The following GADL1 variants were observed in gnomAD, a reference collection of about 807,000 sequenced individuals.
GADL1 encodes GAD like acidic amino acid decarboxylase 1.
Under a neutral mutation model 69.5 loss-of-function variants are expected in GADL1, and 71 were observed. That is an observed-to-expected ratio of 1.02 (90% CI 0.84 to 1.25). The LOEUF is 1.25. Among genes scored for constraint, GADL1 ranks in the 50% most tolerant of loss-of-function variants. The probability of loss-of-function intolerance (pLI) is 0.00; values close to 1 mark genes in which losing one functional copy is unlikely to be tolerated. For missense variants in GADL1, 737 were observed against 631.8 expected, an observed-to-expected ratio of 1.17 and a Z score of -1.79; for synonymous variants, 254 against 214.4, an observed-to-expected ratio of 1.18 and a Z score of -1.62.
rs1391884265 is a variant in GADL1 at position 30,825,721 on chromosome 3, G to A, written c.1050+8132C>T. ...CACTAATAAGTGGGAGATAAACAAT[G>A]AGAACCCATGGACACAGGGAGCGGG... is the stretch of plus-strand genomic sequence containing the variant. On this transcript the variant is annotated intron_variant, in intron 11 of 14. Transcript: ENST00000282538. Among the ~76,000 whole-genome samples the A allele has an allele frequency of 2.6e-5, 4 of 151,920 alleles. No homozygotes were observed. The East Asian group carries it at 7.8e-4, about 30-fold the overall frequency.
intron 14 of GADL1, among the ~76,000 whole-genome samples, chr3:30,737,014 T>C (rs528890902): frequency 2.0e-4 from 30 of 152,206 alleles, no homozygotes; most frequent in Non-Finnish European, 3.2e-4. Context: ...CTCCTTGTGC[T>C]TTCTTGTCAC....
At chr3:30,762,019 C>G (rs1244956561) in intron 14 of GADL1, among the ~76,000 whole-genome samples, 1 of 152,152 alleles carries the variant, frequency 6.6e-6, no homozygotes, top group Non-Finnish European at 1.5e-5. Context: ...GAGTACAGGT[C>G]TTGCAATGTG....
chr3:30,867,293 C>G (rs1249099857), intron 1 of GADL1, among the ~76,000 whole-genome samples: 1 of 151,554 alleles, frequency 6.6e-6, no homozygotes, highest in Non-Finnish European at 1.5e-5. Context: ...TCTGGGTGAC[C>G]TCTAAAGTCC....
Position 30,889,556 on chromosome 3 carries a change from C to A in GADL1, c.37+5022G>T, listed in dbSNP as rs77848184. Among the ~76,000 whole-genome samples the A allele has an allele frequency of 0.013, 2,019 of 152,242 alleles. 101 individuals are homozygous for A. The East Asian group carries it at 0.16, about 12-fold the overall frequency. Reference sequence around the variant, plus strand: ...ACCAAAAGTTAACCATGACTTACAGCAAAGCAATGTATTTAACGTGGCAAC... The same window carrying A: ...ACCAAAAGTTAACCATGACTTACAGAAAAGCAATGTATTTAACGTGGCAAC... On this transcript the variant is annotated intron_variant, in intron 1 of 14. Coordinates refer to ENST00000282538, the MANE Select transcript of GADL1 (RefSeq NM_207359.3).
chr3:30,883,505 A>G lies in GADL1; in HGVS notation c.37+11073T>C, dbSNP rs143813970. Among the ~76,000 whole-genome samples the G allele has an allele frequency of 1.4e-3, 211 of 152,012 alleles. 1 individual carries two copies. The highest frequency in any genetic ancestry group is 4.9e-3 in the African/African-American group (202 of 41,512). ...TTTCTCTATCCTATTCCATTTATCAATACGTCTGTCTTTATGCTAGTACCA... is the reference window on the plus strand; with the variant it reads ...TTTCTCTATCCTATTCCATTTATCAGTACGTCTGTCTTTATGCTAGTACCA... On this transcript the variant is annotated intron_variant, in intron 1 of 14. Coordinates refer to ENST00000282538, the MANE Select transcript of GADL1 (RefSeq NM_207359.3).
chr3:30,885,074 T>C (rs1008110999), intron 1 of GADL1, among the ~76,000 whole-genome samples: 1 of 152,094 alleles, frequency 6.6e-6, no homozygotes, highest in Admixed American at 6.6e-5. Context: ...TATAAATTGA[T>C]CAAGATGATC....
At chr3:30,787,528 AAAT>A (rs1696823243) in intron 12 of GADL1, among the ~76,000 whole-genome samples, 2 of 152,154 alleles carry the variant, frequency 1.3e-5, no homozygotes, top group African/African-American at 2.4e-5. Context: ...AAACATAAGG[AAAT>A]AATAGAGACG....
intron 14 of GADL1, among the ~76,000 whole-genome samples, chr3:30,752,748 G>A (rs1320907565): frequency 6.6e-6 from 1 of 152,204 alleles, no homozygotes; most frequent in African/African-American, 2.4e-5. Flanking sequence ...TATTTAGAAA[G>A]TGGAGTCCAA....
intron 11 of GADL1, among the ~76,000 whole-genome samples, chr3:30,831,239 G>A (rs148964881): frequency 1.8e-4 from 28 of 152,036 alleles, no homozygotes; most frequent in Non-Finnish European, 3.5e-4. Flanking sequence ...TAATCCTTTA[G>A]TCTCATATTA....
chr3:30,825,175 C>T (rs757659502), intron 11 of GADL1, among the ~76,000 whole-genome samples: 1 of 151,810 alleles, frequency 6.6e-6, no homozygotes, highest in Non-Finnish European at 1.5e-5. Context: ...AGATTCAAGA[C>T]CAGGGTACCA....
At position 30,768,347 on chromosome 3, in the gene GADL1, G is replaced by T. The variant is rs192854098; in HGVS notation, c.1392+9832C>A. On this transcript the variant is annotated intron_variant, in intron 14 of 14. Coordinates refer to ENST00000282538, the MANE Select transcript of GADL1 (RefSeq NM_207359.3). The stretch of plus-strand genomic sequence containing the variant: ...TATAAATTATGAGAAGGGACTACTT[G>T]TTATAGAGGGCAAGCCATTTGAAGA... Among the ~76,000 whole-genome samples, 55 of 152,258 alleles carry T rather than the reference G, an allele frequency of 3.6e-4. No individual in the cohort carries two copies. The East Asian group carries it at 4.2e-3, about 12-fold the overall frequency.
In GADL1 at chr3:30,745,694, T is replaced by C. The variant is rs180811476; in HGVS notation, c.1393-17279A>G. 2.0e-5 allele frequency among the ~76,000 whole-genome samples: 3 copies of C among 152,328 alleles called. No homozygotes were observed. In the East Asian group the frequency reaches 5.8e-4, roughly 29 times the overall value. ...AGTGTCAAATGTGCTCAGAAGCTCATGGCCAATATTCATCATCTTTGGTGC... is the reference window on the plus strand; with the variant it reads ...AGTGTCAAATGTGCTCAGAAGCTCACGGCCAATATTCATCATCTTTGGTGC... On this transcript the variant is annotated intron_variant, in intron 14 of 14. Transcript: ENST00000282538.
At position 30,728,121 on chromosome 3, in the gene GADL1, G is replaced by T; in HGVS notation, c.*121C>A. 1 of 859,464 alleles carries T rather than the reference G, an allele frequency of 1.2e-6. No homozygotes were observed. The allele number at this position is 859,464 out of a possible 1,614,324, so 53.2% of individuals were successfully genotyped here. On this transcript the variant is annotated 3_prime_UTR_variant, in exon 15 of 15. Transcript: ENST00000282538. ...TTAGCATTTTGGTTTTGCTGGGCCT[G>T]GACTGGGAGTATTCCCTATTTCTCA... is the stretch of plus-strand genomic sequence containing the variant.
intron 14 of GADL1, among the ~76,000 whole-genome samples, chr3:30,776,596 A>G (rs1696545687): frequency 6.6e-6 from 1 of 152,218 alleles, no homozygotes; most frequent in Non-Finnish European, 1.5e-5. Context: ...TGTATTCTGT[A>G]TTGGTCATCT....
intron 11 of GADL1, among the ~76,000 whole-genome samples, chr3:30,811,131 C>T (rs919085907): frequency 6.6e-6 from 1 of 152,174 alleles, no homozygotes; most frequent in Non-Finnish European, 1.5e-5. Context: ...TTTCAGAGAA[C>T]TGCTAGCATA....
chr3:30,787,446 C>T (rs1395818918), intron 12 of GADL1, among the ~76,000 whole-genome samples: 2 of 152,116 alleles, frequency 1.3e-5, no homozygotes, highest in Non-Finnish European at 2.9e-5. Context: ...AATGGCTGGC[C>T]TTGAAAACTA....
intron 13 of GADL1, among the ~76,000 whole-genome samples, chr3:30,782,625 A>C (rs1027810394): frequency 6.6e-6 from 1 of 152,186 alleles, no homozygotes; most frequent in African/African-American, 2.4e-5. Flanking sequence ...GGATGAAGAC[A>C]TACAAAGAGG....
intron 1 of GADL1, among the ~76,000 whole-genome samples, chr3:30,888,640 A>G (rs1698740845): frequency 6.6e-6 from 1 of 152,146 alleles, no homozygotes; most frequent in African/African-American, 2.4e-5. Context: ...ACTTCTCATT[A>G]GAACTTCTTA....
intron 13 of GADL1, among the ~76,000 whole-genome samples, chr3:30,782,318 A>G (rs894506262): frequency 6.6e-6 from 1 of 152,134 alleles, no homozygotes; most frequent in African/African-American, 2.4e-5. Context: ...GACAGTACCT[A>G]GATAGTACCA....
Sources: gnomAD v4.1 joint callset for allele counts (sites outside exome capture counted in the v4.1 genomes callset) on GRCh38, gnomAD v4.1.1 for gene constraint, MANE v1.5 for transcripts, NCBI Gene and HGNC (gene_info 2026-07-23, HGNC 2026-07-21) for gene names.